The following ANKRD22 variants were observed in gnomAD, a reference collection of about 807,000 sequenced individuals.
ANKRD22 encodes the protein ankyrin repeat domain-containing protein 22.
A neutral mutation model predicts 25.7 loss-of-function variants in ANKRD22; 24 were observed. The ratio of observed to expected loss-of-function variants is 0.93; its 90% CI spans 0.68 to 1.31. The LOEUF is 1.31. Among genes scored for constraint, ANKRD22 ranks in the 50% most tolerant of loss-of-function variants. ANKRD22 has a pLI of 0.00. For missense variants in ANKRD22, 214 were observed against 227.1 expected (o/e 0.94, Z 0.37); for synonymous variants, 84 against 84.3 (o/e 1.00, Z 0.02).
In ANKRD22 at chr10:88,849,006, A is replaced by ATGTGTGTGTG. The variant is rs113459404; in HGVS notation, c.21+2571_21+2580dup. 0.01 allele frequency among the ~76,000 whole-genome samples: 1,499 copies of ATGTGTGTGTG among 149,224 alleles called. 42 individuals carry two copies. The East Asian group carries it at 0.13, about 13-fold the overall frequency. On this transcript the variant is annotated intron_variant, in intron 1 of 5. Coordinates refer to ENST00000371930, the MANE Select transcript of ANKRD22 (RefSeq NM_144590.3). ...TTTAAGTTTGTGTGTGTGCATGTGC[A>ATGTGTGTGTG]TGTGTGTGTGTGTGTGTGTGTGGGT...
At position 88,821,326 on chromosome 10, in the gene ANKRD22, A is replaced by G. The variant is rs1264710937; in HGVS notation, c.*1615T>C. Among the ~76,000 whole-genome samples the G allele has an allele frequency of 6.6e-6, 1 of 152,264 alleles. No homozygotes were observed. The highest frequency in any genetic ancestry group is 1.5e-5 in the Non-Finnish European group (1 of 68,046). ...TTATCCTTTAATCTTGACAAAGTTA[A>G]TGTCAGACAGTCTCTGCAACTCATT... On this transcript the variant is annotated 3_prime_UTR_variant, in exon 6 of 6. Coordinates refer to ENST00000371930, the MANE Select transcript of ANKRD22 (RefSeq NM_144590.3).
chr10:88,820,592 T>C lies in ANKRD22; in HGVS notation c.*2349A>G. 3 of 1,290,412 alleles carry C rather than the reference T, an allele frequency of 2.3e-6. No homozygotes were observed. Among genetic ancestry groups the C allele is most frequent in the Non-Finnish European group, 3.1e-6 (3 of 964,142 alleles). The allele number at this position is 1,290,412 out of a possible 1,614,324, so 79.9% of individuals were successfully genotyped here. A position where few individuals can be genotyped will look rare whatever the true frequency, so the allele number is the denominator to read the frequency against. ...AATTACGGAGAGCAGAGACCTAGTA[T>C]ACATTTTTCAGATTCCCTGCACTTG... On this transcript the variant is annotated 3_prime_UTR_variant, in exon 6 of 6. Coordinates refer to ENST00000371930, the MANE Select transcript of ANKRD22 (RefSeq NM_144590.3).
chr10:88,840,167 CA>C (rs1181129651), intron 1 of ANKRD22, among the ~76,000 whole-genome samples: 2 of 152,046 alleles, frequency 1.3e-5, no homozygotes, highest in Non-Finnish European at 2.9e-5. Flanking sequence ...TAAAAGGAGT[CA>C]AGAATTTGGA....
chr10:88,825,289 ACACC>A (rs1271528129), intron 4 of ANKRD22, among the ~76,000 whole-genome samples: 2 of 152,230 alleles, frequency 1.3e-5, no homozygotes, highest in Non-Finnish European at 2.9e-5. Context: ...CATAAGCAAA[ACACC>A]ATAGAAATAA....
intron 1 of ANKRD22, among the ~76,000 whole-genome samples, chr10:88,840,534 T>C (rs1389820945): frequency 6.6e-6 from 1 of 152,176 alleles, no homozygotes; most frequent in Non-Finnish European, 1.5e-5. Context: ...GGAAAGACTG[T>C]GTAGAACTTT....
chr10:88,839,741 T>C, intron 1 of ANKRD22, among the ~76,000 whole-genome samples: 1 of 152,180 alleles, frequency 6.6e-6, no homozygotes, highest in East Asian at 1.9e-4. Context: ...CCGATCTGGC[T>C]GGGAAGTGAG....
chr10:88,850,735 T>C (rs1316974948), intron 1 of ANKRD22, among the ~76,000 whole-genome samples: 1 of 152,112 alleles, frequency 6.6e-6, no homozygotes, highest in Non-Finnish European at 1.5e-5. Flanking sequence ...CCTAGAGTTA[T>C]AAACCAATCA....
chr10:88,851,518 A>C (rs1360300279), intron 1 of ANKRD22, 69 bp downstream of exon 1: 1 of 1,560,804 alleles, frequency 6.4e-7, no homozygotes, highest in African/African-American at 1.4e-5. Flanking sequence ...CAGGGATAGA[A>C]AATTGCATCT....
chr10:88,851,676 A>G lies in ANKRD22; in HGVS notation c.-69T>C. On this transcript the variant is annotated 5_prime_UTR_variant, in exon 1 of 6. Transcript: ENST00000371930. The stretch of plus-strand genomic sequence containing the variant: ...TCTTCTGGAGGTATTTCTGATGAAT[A>G]TCAAAATCCTTCCTGGCTGAGAGGA... The G allele has an allele frequency of 6.3e-7, 1 of 1,576,938 alleles. No homozygotes were observed. The highest frequency in any genetic ancestry group is 2.2e-5 in the East Asian group (1 of 44,678).
Position 88,822,007 on chromosome 10 carries a change from A to C in ANKRD22, c.*934T>G, listed in dbSNP as rs1843801249. On this transcript the variant is annotated 3_prime_UTR_variant, in exon 6 of 6. Transcript: ENST00000371930. ...CAATAATATTTTACATCTATCAATA[A>C]AATAAACAAAACTAACAAGCTTGGC... is the stretch of plus-strand genomic sequence containing the variant. The C allele has an allele frequency of 6.6e-6, 1 of 152,238 alleles. No individual in the cohort carries two copies. Among genetic ancestry groups the C allele is most frequent in the African/African-American group, 2.4e-5 (1 of 41,470 alleles). 9.4% of individuals were successfully genotyped at this position (152,238 alleles called of 1,614,324 possible).
rs542790451 is a variant in ANKRD22 at position 88,846,135 on chromosome 10, T to C, written c.21+5452A>G. On this transcript the variant is annotated intron_variant, in intron 1 of 5. Transcript: ENST00000371930. ...GAAGGTACTTTTTTTTGCGTATGTA[T>C]GGTCAGACATCTTTTTTTTTTCTCA... 3.9e-5 allele frequency among the ~76,000 whole-genome samples: 6 copies of C among 152,182 alleles called. No individual in the cohort carries two copies. The South Asian group carries it at 8.3e-4, about 21-fold the overall frequency.
chr10:88,829,145 A>G (rs763241948), intron 2 of ANKRD22, among the ~76,000 whole-genome samples: 3 of 152,222 alleles, frequency 2.0e-5, no homozygotes, highest in Admixed American at 6.5e-5. Context: ...ACTCAATTTT[A>G]TTCTTCAAAT....
intron 4 of ANKRD22, among the ~76,000 whole-genome samples, chr10:88,825,231 C>T (rs1214840056): frequency 6.6e-6 from 1 of 152,194 alleles, no homozygotes; most frequent in African/African-American, 2.4e-5. Flanking sequence ...TTTCCACTTG[C>T]CTACTTTTTC....
In ANKRD22 at chr10:88,823,827, C is replaced by CAAAAAA. The variant is rs56194758; in HGVS notation, c.400-455_400-450dup. On this transcript the variant is annotated intron_variant, in intron 4 of 5. Coordinates refer to ENST00000371930, the MANE Select transcript of ANKRD22 (RefSeq NM_144590.3). ...TGGGCGACAGAGCGAGACTCCGTCT[C>CAAAAAA]AAAAAAAAAAAAAAAAAAATTTCTT... Among the ~76,000 whole-genome samples, 38 of 103,754 alleles carry CAAAAAA rather than the reference C, an allele frequency of 3.7e-4. 5 individuals are homozygous for CAAAAAA. The highest frequency in any genetic ancestry group is 1.3e-3 in the East Asian group (4 of 3,082). The allele number at this position is 103,754 out of a possible 152,430, so 68.1% of individuals were successfully genotyped here. A position where few individuals can be genotyped will look rare whatever the true frequency, so the allele number is the denominator to read the frequency against.
chr10:88,823,368 G>A lies in ANKRD22; in HGVS notation c.410C>T (p.Thr137Ile), dbSNP rs1203458826. 6.2e-7 allele frequency: 1 copy of A among 1,613,852 alleles called. No homozygotes were observed. Among genetic ancestry groups the A allele is most frequent in the Admixed American group, 1.7e-5 (1 of 60,024 alleles). The change falls in exon 5 of 6, where the codon ACC becomes ATC. Residue 137 changes from threonine to isoleucine, a missense_variant. Thr to Ile is a moderately conservative substitution (Grantham distance 89). Transcript: ENST00000371930. Reference protein sequence around the residue: ...EVNATDCYGCTALHYACEMKN... With the variant: ...EVNATDCYGCIALHYACEMKN... ...CATTTCACAGGCATAATGTAATGCG[G>A]TACAGCCATACTGAAACACAAAGGG...
chr10:88,843,520 A>T (rs1844022029), intron 1 of ANKRD22, among the ~76,000 whole-genome samples: 1 of 152,096 alleles, frequency 6.6e-6, no homozygotes, highest in Non-Finnish European at 1.5e-5. Flanking sequence ...CATCTTTTTC[A>T]TTTTTCAAAA....
At position 88,820,241 on chromosome 10, in the gene ANKRD22, G is replaced by A. The variant is rs1436819173; in HGVS notation, c.*2700C>T. ...TATTCCTTTTCTCTAGCCAACTCCT[G>A]TAAGGTACAGAGTCAGAGATATGAC... On this transcript the variant is annotated 3_prime_UTR_variant, in exon 6 of 6. Transcript: ENST00000371930. The A allele has an allele frequency of 6.4e-6, 10 of 1,550,858 alleles. No homozygotes were observed. Among genetic ancestry groups the A allele is most frequent in the Non-Finnish European group, 7.8e-6 (9 of 1,146,796 alleles).
chr10:88,831,090 G>A (rs542776099), intron 2 of ANKRD22, among the ~76,000 whole-genome samples: 24 of 152,280 alleles, frequency 1.6e-4, no homozygotes, highest in Admixed American at 3.9e-4. Context: ...TTCTCGCCTT[G>A]AATGCATATA....
rs769097249 is a variant in ANKRD22, at chr10:88,828,624, T to C, written c.256A>G (p.Thr86Ala). 5 of 1,610,282 alleles carry C rather than the reference T, an allele frequency of 3.1e-6. No individual in the cohort carries two copies. Among genetic ancestry groups the C allele is most frequent in the Admixed American group, 1.7e-5 (1 of 59,520 alleles). Reference sequence around the variant, plus strand: ...ATAATTAGTAGATAATCAATGAAGGTAAATTTTTTCTTCACAGCATAATGC... The same window carrying C: ...ATAATTAGTAGATAATCAATGAAGGCAAATTTTTTCTTCACAGCATAATGC... Reference protein sequence around the residue: ...CLHYAVKKKFTFIDYLLIILL... With the variant: ...CLHYAVKKKFAFIDYLLIILL... The change falls in exon 3 of 6, where the codon ACC becomes GCC. Residue 86 changes from threonine (T) to alanine (A), a missense_variant. Transcript: ENST00000371930.
Sources: allele counts gnomAD v4.1 joint callset (sites outside exome capture counted in the v4.1 genomes callset), GRCh38; gene constraint gnomAD v4.1.1; transcripts MANE v1.5; gene names NCBI Gene and HGNC (gene_info 2026-07-23, HGNC 2026-07-21).